The following DPF3 variants were observed in gnomAD, a reference collection of about 807,000 sequenced individuals.
DPF3 encodes the protein zinc finger protein DPF3.
Under a neutral mutation model 56.8 loss-of-function variants are expected in DPF3, and 18 were observed. That is an observed-to-expected ratio of 0.32 (90% CI 0.22 to 0.47). The LOEUF (loss-of-function observed/expected upper bound fraction) is 0.47, where lower values mean the gene tolerates loss of function less well. Ranked by LOEUF, DPF3 falls within the 20% of genes least tolerant of loss-of-function variation. The probability of loss-of-function intolerance (pLI) is 1.00; values close to 1 mark genes in which losing one functional copy is unlikely to be tolerated. For missense variants in DPF3, 403 were observed against 488.8 expected (o/e 0.82, Z 1.65); for synonymous variants, 188 against 180.2 (o/e 1.04, Z -0.35).
At chr14:72,714,122 C>T (rs189832653) in intron 6 of DPF3, among the ~76,000 whole-genome samples, 9 of 152,260 alleles carry the variant, frequency 5.9e-5, no homozygotes, top group East Asian at 3.9e-4. Flanking sequence ...GGAGACAGAG[C>T]GCGTGAGAGA....
chr14:72,619,861 A>G, intron 10 of DPF3, 42 bp downstream of exon 10: 3 of 1,489,444 alleles, frequency 2.0e-6, no homozygotes, highest in Non-Finnish European at 2.7e-6. Context: ...TAGTAGTAGT[A>G]GTATCTGTTG....
intron 1 of DPF3, among the ~76,000 whole-genome samples, chr14:72,779,829 T>A (rs1891895480): frequency 6.6e-6 from 1 of 152,226 alleles, no homozygotes; most frequent in South Asian, 2.1e-4. Context: ...CAACACTCAC[T>A]ATTGCGGTGT....
At chr14:72,777,525 G>C (rs1160164581) in intron 1 of DPF3, among the ~76,000 whole-genome samples, 2 of 152,208 alleles carry the variant, frequency 1.3e-5, no homozygotes, top group Non-Finnish European at 2.9e-5. Context: ...ATGGTGTTTG[G>C]AGATGGAGCA....
chr14:72,853,158 C>CT (rs1378498922), intron 1 of DPF3: 3 of 151,318 alleles, frequency 2.0e-5, no homozygotes, highest in African/African-American at 7.3e-5. Context: ...GAGAAAACCT[C>CT]TTTTTTTCTT....
chr14:72,674,333 T>C lies in DPF3; in HGVS notation c.778A>G (p.Asn260Asp). Residue 260 changes from asparagine (N) to aspartate (D), a missense_variant, in exon 8 of 11, where the codon AAC becomes GAC. Asn to Asp is a conservative substitution (Grantham distance 23). Coordinates refer to ENST00000556509, the MANE Select transcript of DPF3 (RefSeq NM_001280542.3). ...CCCCCCAAGCAGAAGTCACAGTAGT[T>C]ATTGGGAATGACTGTTCCATCCGGT... ...KGPDGTVIPN[N>D]YCDFCLGGSN... is the part of the protein sequence containing the mutation. 6.2e-7 allele frequency: 1 copy of C among 1,613,020 alleles called. No homozygotes were observed. Among genetic ancestry groups the C allele is most frequent in the Non-Finnish European group, 8.5e-7 (1 of 1,179,620 alleles).
At chr14:72,729,666 G>A (rs1252183438) in intron 4 of DPF3, among the ~76,000 whole-genome samples, 1 of 152,154 alleles carries the variant, frequency 6.6e-6, no homozygotes, top group East Asian at 1.9e-4. Flanking sequence ...AATCAGAGAA[G>A]CCAATCTGAA....
At chr14:72,679,095 AATCAGGTTTT>A (rs1165711242) in intron 7 of DPF3, 1 of 152,212 alleles carries the variant, frequency 6.6e-6, no homozygotes, top group Non-Finnish European at 1.5e-5. Flanking sequence ...TTTTGAGTTA[AATCAGGTTTT>A]ATGTCTATGG....
At chr14:72,758,704 G>C (rs1430181590) in intron 2 of DPF3, among the ~76,000 whole-genome samples, 1 of 152,094 alleles carries the variant, frequency 6.6e-6, no homozygotes, top group African/African-American at 2.4e-5. Context: ...CGGGGTACTG[G>C]GTAGAGTACA....
chr14:72,636,593 T>A lies in DPF3; in HGVS notation c.872-6857A>T, dbSNP rs1242598798. Among the ~76,000 whole-genome samples the A allele has an allele frequency of 3.3e-5, 5 of 152,196 alleles. 1 individual carries two copies. In the East Asian group the frequency reaches 7.7e-4, roughly 23 times the overall value. On this transcript the variant is annotated intron_variant, in intron 8 of 10. Transcript: ENST00000556509. ...TGTAAAGGGGAAAGGGATGGACCAA[T>A]TCTGAGCAATCAAAAGTTCAACTCC...
chr14:72,883,189 A>C lies in DPF3; in HGVS notation c.32+10868T>G, dbSNP rs1886385078. On this transcript the variant is annotated intron_variant, in intron 1 of 10. Coordinates refer to ENST00000556509, the MANE Select transcript of DPF3 (RefSeq NM_001280542.3). ...GAAAGTTGCAGGGCCAAGTAAGTGC[A>C]GTGGTTTTCACCTGCAATCCCAGCA... Among the ~76,000 whole-genome samples, 8 of 152,334 alleles carry C rather than the reference A, an allele frequency of 5.3e-5. No homozygotes were observed. The South Asian group carries it at 1.7e-3, about 32-fold the overall frequency.
At chr14:72,817,112 C>G (rs551762510) in intron 1 of DPF3, among the ~76,000 whole-genome samples, 1 of 152,142 alleles carries the variant, frequency 6.6e-6, no homozygotes, top group Non-Finnish European at 1.5e-5. Flanking sequence ...CTCACAGCCC[C>G]GGGGGGACAG....
Position 72,869,578 on chromosome 14 carries a change from G to C in DPF3, c.32+24479C>G, listed in dbSNP as rs539814373. Among the ~76,000 whole-genome samples, 6 of 152,260 alleles carry C rather than the reference G, an allele frequency of 3.9e-5. No homozygotes were observed. In the East Asian group the frequency reaches 1.2e-3, roughly 29 times the overall value. On this transcript the variant is annotated intron_variant, in intron 1 of 10. Transcript: ENST00000556509. ...CGACTGTCACACGGATGGCGTCACT[G>C]GATGCCACAAGATCTCAGGCTCTTC...
At chr14:72,624,376 T>C (rs973305534) in intron 9 of DPF3, among the ~76,000 whole-genome samples, 19 of 144,988 alleles carry the variant, frequency 1.3e-4, no homozygotes, top group African/African-American at 4.2e-4. Flanking sequence ...TCTCACTCTG[T>C]TGCCCAAACT....
chr14:72,767,787 A>T (rs1891353036), intron 2 of DPF3, among the ~76,000 whole-genome samples: 1 of 147,710 alleles, frequency 6.8e-6, no homozygotes, highest in Non-Finnish European at 1.5e-5. Context: ...AAACCCCATA[A>T]ACCCACAGGT....
At chr14:72,866,069 C>G (rs2140104538) in intron 1 of DPF3, among the ~76,000 whole-genome samples, 1 of 152,188 alleles carries the variant, frequency 6.6e-6, no homozygotes, top group East Asian at 1.9e-4. Flanking sequence ...AAAAAGAAAG[C>G]AGCACTAATG....
chr14:72,626,648 C>A (rs368411459), intron 9 of DPF3, among the ~76,000 whole-genome samples: 1 of 152,066 alleles, frequency 6.6e-6, no homozygotes, highest in African/African-American at 2.4e-5. Flanking sequence ...CACAAATAAC[C>A]TTATGCATTC....
chr14:72,687,263 C>T lies in DPF3; in HGVS notation c.742+5813G>A, dbSNP rs141057677. Among the ~76,000 whole-genome samples the T allele has an allele frequency of 2.8e-4, 43 of 152,316 alleles. 1 individual carries two copies. In the East Asian group the frequency reaches 7.7e-3, roughly 27 times the overall value. On this transcript the variant is annotated intron_variant, in intron 7 of 10. Transcript: ENST00000556509. ...CCAGGAACCTAGAAGAACCCATCTT[C>T]AATTCCACAGACTTGAAAAATCAGC...
intron 4 of DPF3, among the ~76,000 whole-genome samples, chr14:72,725,713 T>C (rs1214356958): frequency 6.6e-6 from 1 of 152,116 alleles, no homozygotes; most frequent in African/African-American, 2.4e-5. Context: ...TAACCATCGC[T>C]GTTTAAGCCG....
At chr14:72,625,804 A>G (rs1884790568) in intron 9 of DPF3, among the ~76,000 whole-genome samples, 1 of 152,188 alleles carries the variant, frequency 6.6e-6, no homozygotes, top group Non-Finnish European at 1.5e-5. Flanking sequence ...TTCCAAACCA[A>G]TGCCTTCAAT....
Sources: gnomAD v4.1 joint callset for allele counts (sites outside exome capture counted in the v4.1 genomes callset) on GRCh38, gnomAD v4.1.1 for gene constraint, MANE v1.5 for transcripts, NCBI Gene and HGNC (gene_info 2026-07-23, HGNC 2026-07-21) for gene names.